The following ZBTB20 variants were observed in gnomAD, a reference collection of about 807,000 sequenced individuals.
ZBTB20 encodes zinc finger and BTB domain containing 20.
Under a neutral mutation model 56.9 loss-of-function variants are expected in ZBTB20, and 9 were observed. The observed-to-expected ratio is 0.16, with a 90% CI of 0.10 to 0.28. The LOEUF (loss-of-function observed/expected upper bound fraction) is 0.28. ZBTB20 is among the 10% of genes least tolerant of loss of function. ZBTB20 has a pLI of 1.00. For missense variants in ZBTB20, 655 were observed against 1,003.0 expected (o/e 0.65, Z 4.69); for synonymous variants, 417 against 420.7 (o/e 0.99, Z 0.11).
chr3:114,567,113 C>T (rs138826512), intron 6 of ZBTB20, among the ~76,000 whole-genome samples: 1 of 152,144 alleles, frequency 6.6e-6, no homozygotes, highest in South Asian at 2.1e-4. Context: ...AATGGCCACA[C>T]AGGGTGTTAT....
chr3:114,544,815 G>A (rs2110138640), intron 6 of ZBTB20, among the ~76,000 whole-genome samples: 1 of 152,066 alleles, frequency 6.6e-6, no homozygotes, highest in East Asian at 1.9e-4. Context: ...CCAAAACTAG[G>A]TTTTCAAATA....
At chr3:114,420,311 A>G (rs2089022491) in intron 7 of ZBTB20, among the ~76,000 whole-genome samples, 1 of 152,156 alleles carries the variant, frequency 6.6e-6, no homozygotes, top group Non-Finnish European at 1.5e-5. Context: ...AGCTGTCAGC[A>G]GAAAGAAACA....
chr3:114,458,619 G>A (rs1309826567), intron 7 of ZBTB20, among the ~76,000 whole-genome samples: 2 of 151,876 alleles, frequency 1.3e-5, no homozygotes, highest in Non-Finnish European at 2.9e-5. Flanking sequence ...TGAAAACTTC[G>A]ATATTTTAGA....
At chr3:114,502,523 A>G (rs972797909) in intron 6 of ZBTB20, among the ~76,000 whole-genome samples, 1 of 152,182 alleles carries the variant, frequency 6.6e-6, no homozygotes, top group African/African-American at 2.4e-5. Context: ...GAGATCTCCA[A>G]TGCTTTCAAA....
At chr3:114,470,321 C>T (rs2039983871) in intron 7 of ZBTB20, among the ~76,000 whole-genome samples, 1 of 152,082 alleles carries the variant, frequency 6.6e-6, no homozygotes, top group Non-Finnish European at 1.5e-5. Flanking sequence ...TTATATTTAA[C>T]CTGCCTATCT....
intron 3 of ZBTB20, among the ~76,000 whole-genome samples, chr3:114,915,769 T>A (rs2075719675): frequency 6.6e-6 from 1 of 152,022 alleles, no homozygotes; most frequent in Non-Finnish European, 1.5e-5. Flanking sequence ...TCCATTATCA[T>A]TTATTTCAAA....
At chr3:114,628,080 C>T (rs911417121) in intron 6 of ZBTB20, among the ~76,000 whole-genome samples, 4 of 152,156 alleles carry the variant, frequency 2.6e-5, no homozygotes, top group Non-Finnish European at 4.4e-5. Context: ...TAGTCTCTGC[C>T]AACACTAAGA....
chr3:114,942,884 G>A (rs1239271336), intron 3 of ZBTB20, among the ~76,000 whole-genome samples: 1 of 145,438 alleles, frequency 6.9e-6, no homozygotes, highest in Non-Finnish European at 1.5e-5. Context: ...CTTTGGAGCT[G>A]TCAGCACAGC....
intron 4 of ZBTB20, among the ~76,000 whole-genome samples, chr3:114,809,477 TC>T (rs2072355440): frequency 6.6e-6 from 1 of 152,138 alleles, no homozygotes; most frequent in Admixed American, 6.5e-5. Flanking sequence ...TTTTTTAATT[TC>T]CATTATAATA....
At chr3:114,625,622 A>G (rs2058615300) in intron 6 of ZBTB20, among the ~76,000 whole-genome samples, 1 of 152,016 alleles carries the variant, frequency 6.6e-6, no homozygotes, top group African/African-American at 2.4e-5. Context: ...GGGGGTAGAG[A>G]AGAGCTTAGA....
intron 1 of ZBTB20, among the ~76,000 whole-genome samples, chr3:115,081,443 C>T (rs1408148326): frequency 1.3e-5 from 2 of 152,122 alleles, no homozygotes; most frequent in Non-Finnish European, 2.9e-5. Context: ...TACGATGCTG[C>T]TTACTTTTTA....
chr3:115,146,875 G>A (rs548253157), intron 1 of ZBTB20, among the ~76,000 whole-genome samples: 2 of 151,566 alleles, frequency 1.3e-5, no homozygotes, highest in South Asian at 2.1e-4. Flanking sequence ...TCCAGCTGCG[G>A]GACGTCCCGC....
chr3:114,609,856 T>C (rs2057424163), intron 6 of ZBTB20, among the ~76,000 whole-genome samples: 1 of 152,180 alleles, frequency 6.6e-6, no homozygotes. Context: ...CAAGGAACAC[T>C]GAAAGATTAC....
chr3:114,341,490 TG>T (rs2079764419), intron 11 of ZBTB20, among the ~76,000 whole-genome samples: 2 of 152,330 alleles, frequency 1.3e-5, no homozygotes, highest in African/African-American at 4.8e-5. Context: ...GATGGTATTT[TG>T]GCTGCTAAGA....
chr3:114,477,112 T>C (rs370929655), intron 7 of ZBTB20, among the ~76,000 whole-genome samples: 2 of 152,258 alleles, frequency 1.3e-5, no homozygotes, highest in East Asian at 1.9e-4. Flanking sequence ...TGCATAATTA[T>C]GCGTTGTGCT....
At chr3:115,090,207 G>A (rs2108570529) in intron 1 of ZBTB20, among the ~76,000 whole-genome samples, 1 of 151,806 alleles carries the variant, frequency 6.6e-6, no homozygotes, top group Non-Finnish European at 1.5e-5. Context: ...ATGTGGGCCA[G>A]CTACAACTCA....
intron 4 of ZBTB20, among the ~76,000 whole-genome samples, chr3:114,858,175 T>A (rs1490367206): frequency 1.3e-5 from 2 of 152,308 alleles, no homozygotes; most frequent in Admixed American, 1.3e-4. Flanking sequence ...TTCACTTGCA[T>A]ACAACAGTAA....
intron 1 of ZBTB20, among the ~76,000 whole-genome samples, chr3:115,128,044 T>C (rs1186296563): frequency 1.3e-5 from 2 of 152,218 alleles, no homozygotes; most frequent in Non-Finnish European, 2.9e-5. Flanking sequence ...AGAAATTTTC[T>C]TGAATAGAGA....
rs1024923284 is a variant in ZBTB20, at chr3:114,434,972, T to C, written c.-254-45867A>G. Among the ~76,000 whole-genome samples the C allele has an allele frequency of 2.0e-5, 3 of 152,166 alleles. No homozygotes were observed. In the East Asian group the frequency reaches 5.8e-4, roughly 29 times the overall value. On this transcript the variant is annotated intron_variant, in intron 7 of 11. Coordinates refer to ENST00000675478, the MANE Select transcript of ZBTB20 (RefSeq NM_001348800.3). The stretch of plus-strand genomic sequence containing the variant: ...GGTTCTAGCTATTCATATGATCCAT[T>C]GTCTCACCAATGCTCACACAACTTG...
Sources: gnomAD v4.1 joint callset for allele counts (sites outside exome capture counted in the v4.1 genomes callset) on GRCh38, gnomAD v4.1.1 for gene constraint, MANE v1.5 for transcripts, NCBI Gene and HGNC (gene_info 2026-07-23, HGNC 2026-07-21) for gene names.